Variants in RPS29 observed in about 807,000 individuals in gnomAD.
RPS29 encodes ribosomal protein S29, also known as small ribosomal subunit protein uS14.
For missense variants in RPS29, 60 were observed against 75.7 expected (o/e 0.79, Z 0.77); for synonymous variants, 37 against 26.9 (o/e 1.37, Z -1.16).
downstream of RPS29, among the ~76,000 whole-genome samples, chr14:49,580,228 A>G (rs575607678): frequency 1.3e-5 from 2 of 152,258 alleles, no homozygotes; most frequent in African/African-American, 4.8e-5. Context: ...TCACCACTAC[A>G]TATGTAAGCT....
chr14:49,582,212 T>C (rs1193927535), downstream of RPS29, among the ~76,000 whole-genome samples: 1 of 152,104 alleles, frequency 6.6e-6, no homozygotes, highest in African/African-American at 2.4e-5. Flanking sequence ...GGAGAATCAG[T>C]TGATCCCAAG....
chr14:49,578,660 A>G (rs1881253989), downstream of RPS29, among the ~76,000 whole-genome samples: 1 of 139,506 alleles, frequency 7.2e-6, no homozygotes, highest in South Asian at 2.3e-4. Flanking sequence ...TCCCCGGTTC[A>G]AGCGATTCTT....
chr14:49,584,527 G>C (rs777092091), intron 2 of RPS29, among the ~76,000 whole-genome samples: 7 of 152,134 alleles, frequency 4.6e-5, no homozygotes, highest in African/African-American at 1.7e-4. Context: ...CACTCTGAGG[G>C]GTCAAGGCAG....
At chr14:49,577,895 T>C in intron 2 of RPS29, 3 of 1,455,596 alleles carry the variant, frequency 2.1e-6, no homozygotes, top group East Asian at 2.4e-5. Flanking sequence ...GAAAAAGCAA[T>C]GATGCCCAAC....
upstream of RPS29, chr14:49,598,693 A>G (rs1263592170): frequency 6.6e-5 from 46 of 700,042 alleles, no homozygotes; most frequent in Non-Finnish European, 1.1e-4. Flanking sequence ...CCCCGAACAG[A>G]AACAACCACC....
chr14:49,577,638 A>C, exon 3 of RPS29: 1 of 715,776 alleles, frequency 1.4e-6, no homozygotes, highest in Non-Finnish European at 2.5e-6. Flanking sequence ...TGTTGGGCAT[A>C]GATCTGGCCC....
At chr14:49,575,647 G>C (rs1881160362) in exon 3 of RPS29, 1 of 152,206 alleles carries the variant, frequency 6.6e-6, no homozygotes, top group South Asian at 2.1e-4. Flanking sequence ...AGGAGTTCCA[G>C]ACCAGCCTGA....
upstream of RPS29, among the ~76,000 whole-genome samples, chr14:49,590,521 T>C (rs1373061087): frequency 1.3e-5 from 2 of 152,122 alleles, no homozygotes; most frequent in African/African-American, 4.8e-5. Flanking sequence ...CTTGAGTTAC[T>C]TTCAATTTTG....
At chr14:49,583,697 A>G in intron 2 of RPS29, 22 bp from the exon 3 acceptor site, 1 of 1,357,266 alleles carries the variant, frequency 7.4e-7, no homozygotes, top group Non-Finnish European at 1.0e-6. Flanking sequence ...AAAGCAGATG[A>G]TTTATTTCAA....
chr14:49,583,091 G>A (rs1881390795), downstream of RPS29, among the ~76,000 whole-genome samples: 1 of 152,032 alleles, frequency 6.6e-6, no homozygotes, highest in South Asian at 2.1e-4. Flanking sequence ...CTTCCACTCT[G>A]ACCTCCCAAA....
upstream of RPS29, among the ~76,000 whole-genome samples, chr14:49,587,254 A>G (rs994182647): frequency 1.3e-5 from 2 of 152,252 alleles, no homozygotes; most frequent in African/African-American, 4.8e-5. Flanking sequence ...AGTAATGTGC[A>G]GTGTATGTTG....
downstream of RPS29, chr14:49,583,535 A>G: frequency 1.1e-6 from 1 of 941,676 alleles, no homozygotes; most frequent in South Asian, 1.8e-5. Flanking sequence ...TTCTATAAAC[A>G]ATTAGCTATT....
upstream of RPS29, among the ~76,000 whole-genome samples, chr14:49,590,783 C>A (rs1015359110): frequency 1.3e-5 from 2 of 151,914 alleles, no homozygotes; most frequent in African/African-American, 4.8e-5. Context: ...CTCCACCTCC[C>A]AGGCTTAAGC....
intron 1 of RPS29, among the ~76,000 whole-genome samples, chr14:49,593,271 G>C (rs1334973793): frequency 6.6e-6 from 1 of 152,194 alleles, no homozygotes; most frequent in Non-Finnish European, 1.5e-5. Flanking sequence ...GCTAGGCTTT[G>C]CATATAACAG....
chr14:49,583,766 G>C, intron 2 of RPS29, 91 bp from the exon 3 acceptor site: 1 of 822,396 alleles, frequency 1.2e-6, no homozygotes, highest in Non-Finnish European at 2.0e-6. Context: ...GAATGTTATA[G>C]AATTACAGAA....
At chr14:49,593,510 CCTGA>C (rs1259133028) in intron 1 of RPS29, among the ~76,000 whole-genome samples, 14 of 151,840 alleles carry the variant, frequency 9.2e-5, no homozygotes, top group African/African-American at 3.4e-4. Context: ...TTGAGACCAG[CCTGA>C]CTAACATGGT....
At chr14:49,576,856 C>A (rs1372805440) in exon 3 of RPS29, 4 of 152,214 alleles carry the variant, frequency 2.6e-5, no homozygotes, top group African/African-American at 9.7e-5. Flanking sequence ...TAAGAAGTGC[C>A]TTTTGCCTTC....
chr14:49,594,355 A>G (rs539984952), intron 1 of RPS29, among the ~76,000 whole-genome samples: 7 of 152,190 alleles, frequency 4.6e-5, no homozygotes, highest in Non-Finnish European at 1.0e-4. Flanking sequence ...AAAAAAAAAA[A>G]ATCCTAAGTG....
downstream of RPS29, among the ~76,000 whole-genome samples, chr14:49,582,624 G>C (rs147579163): frequency 6.6e-6 from 1 of 152,190 alleles, no homozygotes. Context: ...TCAAGTATTT[G>C]TACAATTGTT....
Sources: gnomAD v4.1 joint callset for allele counts (sites outside exome capture counted in the v4.1 genomes callset) on GRCh38, gnomAD v4.1.1 for gene constraint, MANE v1.5 for transcripts, NCBI Gene and HGNC (gene_info 2026-07-23, HGNC 2026-07-21) for gene names.